The following CTNND2 variants were observed in gnomAD, a reference collection of about 807,000 sequenced individuals.
CTNND2 encodes the protein catenin delta 2.
Under a neutral mutation model 144.4 loss-of-function variants are expected in CTNND2, and 22 were observed. The ratio of observed to expected loss-of-function variants is 0.15; its 90% CI spans 0.11 to 0.22. The LOEUF is 0.22. Ranked by LOEUF, CTNND2 falls within the 10% of genes least tolerant of loss-of-function variation. The probability of loss-of-function intolerance (pLI) is 1.00; values close to 1 mark genes in which losing one functional copy is unlikely to be tolerated. For missense variants in CTNND2, 1,353 were observed against 1,618.8 expected (o/e 0.84, Z 2.82); for synonymous variants, 751 against 695.6 (o/e 1.08, Z -1.25).
In CTNND2 at chr5:10,994,006, C is replaced by A. The variant is rs139663990; in HGVS notation, c.3085-1329G>T. Among the ~76,000 whole-genome samples, 1,029 of 151,466 alleles carry A rather than the reference C, an allele frequency of 6.8e-3. 9 individuals are homozygous for A. Among genetic ancestry groups the A allele is most frequent in the African/African-American group, 0.023 (960 of 41,246 alleles). ...AGGGGCTGGGACAGTGCCTGCTTTCCTTTGCTATAATGTCAGTAATATTGG... is the reference window on the plus strand; with the variant it reads ...AGGGGCTGGGACAGTGCCTGCTTTCATTTGCTATAATGTCAGTAATATTGG... On this transcript the variant is annotated intron_variant, in intron 18 of 21. Transcript: ENST00000304623.
intron 3 of CTNND2, among the ~76,000 whole-genome samples, chr5:11,462,560 C>G (rs61758947): frequency 6.7e-5 from 10 of 150,348 alleles, no homozygotes; most frequent in Admixed American, 6.6e-4. Context: ...TTTTTTTTTC[C>G]CCAGAGTAAC....
At chr5:10,976,719 C>T (rs183228040) in intron 21 of CTNND2, among the ~76,000 whole-genome samples, 27 of 152,308 alleles carry the variant, frequency 1.8e-4, no homozygotes, top group African/African-American at 6.0e-4. Flanking sequence ...ACTCTGTTAG[C>T]ATAATGACAA....
chr5:11,105,083 G>A (rs1752295492), intron 14 of CTNND2, among the ~76,000 whole-genome samples: 1 of 152,130 alleles, frequency 6.6e-6, no homozygotes, highest in Admixed American at 6.5e-5. Context: ...CATATGACTG[G>A]GCCTGCCTGT....
chr5:11,760,111 T>A (rs1337937022), intron 1 of CTNND2, among the ~76,000 whole-genome samples: 12 of 150,010 alleles, frequency 8.0e-5, no homozygotes, highest in Admixed American at 8.0e-4. Context: ...AAGCCATAGG[T>A]AAAATAATTA....
intron 16 of CTNND2, among the ~76,000 whole-genome samples, chr5:11,067,249 G>C (rs1178989044): frequency 6.6e-6 from 1 of 152,206 alleles, no homozygotes; most frequent in East Asian, 1.9e-4. Flanking sequence ...GTGATACGTA[G>C]CTTTAATTCA....
intron 9 of CTNND2, among the ~76,000 whole-genome samples, chr5:11,284,652 C>T (rs890393773): frequency 6.6e-6 from 1 of 152,122 alleles, no homozygotes; most frequent in South Asian, 2.1e-4. Context: ...TTTTCTTTAT[C>T]CAGTTTATCA....
intron 2 of CTNND2, among the ~76,000 whole-genome samples, chr5:11,573,196 A>G (rs1194206998): frequency 6.6e-6 from 1 of 152,238 alleles, no homozygotes; most frequent in African/African-American, 2.4e-5. Context: ...CACTTAGCAG[A>G]ATAAGGTACA....
intron 3 of CTNND2, among the ~76,000 whole-genome samples, chr5:11,564,434 C>A (rs1171558222): frequency 1.3e-5 from 2 of 152,114 alleles, no homozygotes; most frequent in African/African-American, 4.8e-5. Flanking sequence ...AAACTAATCA[C>A]TAATTGAATA....
chr5:10,992,460 C>T, intron 19 of CTNND2, 91 bp downstream of exon 19: 8 of 1,571,238 alleles, frequency 5.1e-6, no homozygotes, highest in Non-Finnish European at 7.0e-6. Flanking sequence ...GAAGGCTCTC[C>T]TCTGAGTACG....
intron 1 of CTNND2, among the ~76,000 whole-genome samples, chr5:11,870,920 G>A (rs1735052494): frequency 6.6e-6 from 1 of 152,342 alleles, no homozygotes; most frequent in East Asian, 1.9e-4. Context: ...GCAACAGAAT[G>A]AAGGTTTGTG....
chr5:11,404,850 T>C (rs1023536995), intron 5 of CTNND2, among the ~76,000 whole-genome samples: 1 of 152,104 alleles, frequency 6.6e-6, no homozygotes, highest in African/African-American at 2.4e-5. Context: ...CCTCAAGTGA[T>C]CTGCCTGCCT....
chr5:11,505,259 T>C (rs867136481), intron 3 of CTNND2, among the ~76,000 whole-genome samples: 2 of 149,558 alleles, frequency 1.3e-5, no homozygotes, highest in Admixed American at 1.3e-4. Context: ...AACTCCAAGA[T>C]ACCCTGCTCT....
At chr5:11,129,752 C>T (rs1755375611) in intron 12 of CTNND2, among the ~76,000 whole-genome samples, 1 of 152,070 alleles carries the variant, frequency 6.6e-6, no homozygotes, top group African/African-American at 2.4e-5. Flanking sequence ...AGAAATGAGG[C>T]AGCTTCCTAG....
chr5:11,845,436 G>T (rs950645270), intron 1 of CTNND2, among the ~76,000 whole-genome samples: 3 of 152,166 alleles, frequency 2.0e-5, no homozygotes, highest in Non-Finnish European at 4.4e-5. Flanking sequence ...ATGTGATTAA[G>T]ATGAGGTCAT....
chr5:11,090,035 A>G (rs1750602149), intron 15 of CTNND2, among the ~76,000 whole-genome samples: 2 of 152,150 alleles, frequency 1.3e-5, no homozygotes, highest in East Asian at 3.8e-4. Context: ...TAGATAGATA[A>G]ATAAAATGGT....
chr5:11,149,252 C>T (rs1757525161), intron 12 of CTNND2, among the ~76,000 whole-genome samples: 1 of 152,210 alleles, frequency 6.6e-6, no homozygotes, highest in South Asian at 2.1e-4. Flanking sequence ...CAGTCAGCAC[C>T]CATCACGGTG....
intron 1 of CTNND2, among the ~76,000 whole-genome samples, chr5:11,864,881 TCC>T (rs1200053430): frequency 1.5e-5 from 2 of 130,614 alleles, no homozygotes; most frequent in African/African-American, 5.6e-5. Flanking sequence ...TTCTTCTTCT[TCC>T]TTTTTTTTTT....
chr5:11,011,613 C>G (rs1741090871), intron 18 of CTNND2, among the ~76,000 whole-genome samples: 1 of 152,176 alleles, frequency 6.6e-6, no homozygotes, highest in Non-Finnish European at 1.5e-5. Flanking sequence ...GCTTCAGGAC[C>G]ATAAGCTGAA....
At chr5:11,080,562 T>C (rs1231184902) in intron 16 of CTNND2, among the ~76,000 whole-genome samples, 2 of 152,194 alleles carry the variant, frequency 1.3e-5, no homozygotes, top group Admixed American at 6.5e-5. Flanking sequence ...AGTTAATGTA[T>C]AGAAGCAATC....
Sources: allele counts gnomAD v4.1 joint callset (sites outside exome capture counted in the v4.1 genomes callset), GRCh38; gene constraint gnomAD v4.1.1; transcripts MANE v1.5; gene names NCBI Gene and HGNC (gene_info 2026-07-23, HGNC 2026-07-21).